The following CDH10 variants were observed in gnomAD, a reference collection of about 807,000 sequenced individuals.
The protein encoded by CDH10 is cadherin-10.
CDH10 carries 30 observed loss-of-function variants against 73.1 expected under a neutral mutation model. The ratio of observed to expected loss-of-function variants is 0.41; its 90% CI spans 0.31 to 0.56. The LOEUF is 0.56. CDH10 is among the 20% of genes least tolerant of loss of function. The probability of loss-of-function intolerance (pLI) is 0.27; values close to 1 mark genes in which losing one functional copy is unlikely to be tolerated. For missense variants in CDH10, 815 were observed against 973.7 expected (o/e 0.84, Z 2.17); for synonymous variants, 345 against 348.2 (o/e 0.99, Z 0.10).
At chr5:24,545,937 T>C (rs1225848430) in intron 2 of CDH10, among the ~76,000 whole-genome samples, 1 of 152,158 alleles carries the variant, frequency 6.6e-6, no homozygotes, top group African/African-American at 2.4e-5. Flanking sequence ...AGAGACAATA[T>C]TTGAAGGTCT....
intron 1 of CDH10, among the ~76,000 whole-genome samples, chr5:24,605,553 T>C (rs1746731499): frequency 6.6e-6 from 1 of 152,220 alleles, no homozygotes; most frequent in South Asian, 2.1e-4. Flanking sequence ...AAGTGGGTCG[T>C]TGGCACCAAA....
Position 24,489,253 on chromosome 5 carries a change from G to T in CDH10, c.1877-1100C>A, listed in dbSNP as rs184604985. On this transcript the variant is annotated intron_variant, in intron 11 of 11. Coordinates refer to ENST00000264463, the MANE Select transcript of CDH10 (RefSeq NM_006727.5). ...TAATTAATTACATTATTATATGAAGGGATATTAAGTTATGTTTTCTTTTTT... is the reference window on the plus strand; with the variant it reads ...TAATTAATTACATTATTATATGAAGTGATATTAAGTTATGTTTTCTTTTTT... Among the ~76,000 whole-genome samples, 1,345 of 152,008 alleles carry T rather than the reference G, an allele frequency of 8.8e-3. 26 individuals are homozygous for T. Among genetic ancestry groups the T allele is most frequent in the African/African-American group, 0.031 (1,276 of 41,466 alleles).
At chr5:24,596,488 T>C (rs967349926) in intron 1 of CDH10, among the ~76,000 whole-genome samples, 2 of 151,960 alleles carry the variant, frequency 1.3e-5, no homozygotes. Context: ...ATTTAAAATA[T>C]ATCCTACAGG....
intron 11 of CDH10, among the ~76,000 whole-genome samples, chr5:24,490,877 A>G (rs2111630426): frequency 6.6e-6 from 1 of 152,292 alleles, no homozygotes; most frequent in South Asian, 2.1e-4. Flanking sequence ...AAGTTTTTGA[A>G]TTGTTATTCT....
intron 2 of CDH10, among the ~76,000 whole-genome samples, chr5:24,564,587 G>A (rs1435301091): frequency 3.3e-5 from 5 of 152,086 alleles, no homozygotes; most frequent in East Asian, 1.9e-4. Context: ...AGTCCCCCAC[G>A]GCCCCCTCCA....
At chr5:24,534,966 A>G in intron 5 of CDH10, 146 bp downstream of exon 5, 1 of 696,566 alleles carries the variant, frequency 1.4e-6, no homozygotes, top group Non-Finnish European at 2.3e-6. Context: ...CAGCATGTAC[A>G]CCTTTTGTTT....
At chr5:24,501,973 C>T (rs917778403) in intron 8 of CDH10, among the ~76,000 whole-genome samples, 1 of 152,010 alleles carries the variant, frequency 6.6e-6, no homozygotes, top group Non-Finnish European at 1.5e-5. Context: ...GGCTGCAGTG[C>T]AGTGGCGCAA....
intron 1 of CDH10, among the ~76,000 whole-genome samples, chr5:24,640,946 C>A (rs1177883818): frequency 1.3e-5 from 2 of 151,800 alleles, no homozygotes; most frequent in African/African-American, 4.8e-5. Flanking sequence ...GAGAGTTAAG[C>A]AAAAGTTGTA....
At chr5:24,581,123 A>C (rs1429961931) in intron 2 of CDH10, among the ~76,000 whole-genome samples, 3 of 152,058 alleles carry the variant, frequency 2.0e-5, no homozygotes. Flanking sequence ...TATTTAGTCT[A>C]CCACACCCTA....
chr5:24,541,510 AT>A (rs1744155794), intron 2 of CDH10, among the ~76,000 whole-genome samples: 1 of 152,058 alleles, frequency 6.6e-6, no homozygotes, highest in Non-Finnish European at 1.5e-5. Context: ...AAAAACAAAC[AT>A]TTTATTGAAC....
chr5:24,541,008 A>G (rs1744135112), intron 2 of CDH10, among the ~76,000 whole-genome samples: 1 of 151,884 alleles, frequency 6.6e-6, no homozygotes, highest in South Asian at 2.1e-4. Context: ...AAAACCTTAC[A>G]CTTCTTATGT....
rs1032525918 is a variant in CDH10 at position 24,574,807 on chromosome 5, T to A, written c.231+18453A>T. 1.1e-4 allele frequency among the ~76,000 whole-genome samples: 8 copies of A among 69,656 alleles called. No homozygotes were observed. In the East Asian group the frequency reaches 5.0e-3, roughly 43 times the overall value. 45.7% of individuals were successfully genotyped at this position (69,656 alleles called of 152,430 possible). ...TAATGGGCAAATACTAAGATATTAT[T>A]TTTTAAATTTAATTAGTTCAAAAGA... On this transcript the variant is annotated intron_variant, in intron 2 of 11. Transcript: ENST00000264463.
At chr5:24,511,087 T>C (rs1439158459) in intron 6 of CDH10, among the ~76,000 whole-genome samples, 2 of 152,214 alleles carry the variant, frequency 1.3e-5, no homozygotes, top group Non-Finnish European at 2.9e-5. Context: ...CACACATATA[T>C]TAACTTGCCT....
At chr5:24,569,704 C>A (rs1331582229) in intron 2 of CDH10, among the ~76,000 whole-genome samples, 1 of 150,738 alleles carries the variant, frequency 6.6e-6, no homozygotes, top group African/African-American at 2.4e-5. Flanking sequence ...TTTTTCAAAT[C>A]TTTTTCCTTA....
chr5:24,502,149 C>T (rs1456513570), intron 8 of CDH10, among the ~76,000 whole-genome samples: 1 of 152,058 alleles, frequency 6.6e-6, no homozygotes, highest in Non-Finnish European at 1.5e-5. Flanking sequence ...GTCTCGATCA[C>T]CTGACCTCGT....
Position 24,504,854 on chromosome 5 carries a change from G to A in CDH10, c.1393+258C>T, listed in dbSNP as rs115852017. Among the ~76,000 whole-genome samples the A allele has an allele frequency of 1.1e-3, 174 of 151,866 alleles. 1 individual carries two copies. The highest frequency in any genetic ancestry group is 1.4e-3 in the Admixed American group (21 of 15,242). ...ATCTGTTTCATGTCAATGTTATTTT[G>A]AGGCTCAGCCAAAAACTCCCAAGAA... is the stretch of plus-strand genomic sequence containing the variant. On this transcript the variant is annotated intron_variant, in intron 8 of 11. Coordinates refer to ENST00000264463, the MANE Select transcript of CDH10 (RefSeq NM_006727.5).
chr5:24,548,545 G>C (rs1015866332), intron 2 of CDH10, among the ~76,000 whole-genome samples: 2 of 147,912 alleles, frequency 1.4e-5, no homozygotes, highest in Non-Finnish European at 3.0e-5. Context: ...TGATTTGATG[G>C]GGTCCAATGG....
chr5:24,509,943 A>G (rs1742839380), intron 6 of CDH10, 124 bp from the exon 7 acceptor site: 1 of 623,632 alleles, frequency 1.6e-6, no homozygotes, highest in Admixed American at 3.3e-5. Context: ...ATTATAAATA[A>G]AAAAGACTAA....
intron 2 of CDH10, among the ~76,000 whole-genome samples, chr5:24,585,703 CA>C (rs1449306426): frequency 1.3e-5 from 2 of 152,224 alleles, no homozygotes; most frequent in African/African-American, 4.8e-5. Flanking sequence ...GGATGACAGG[CA>C]TGAGCCACCG....
Sources: allele counts gnomAD v4.1 joint callset (sites outside exome capture counted in the v4.1 genomes callset), GRCh38; gene constraint gnomAD v4.1.1; transcripts MANE v1.5; gene names NCBI Gene and HGNC (gene_info 2026-07-23, HGNC 2026-07-21).